FIP1L1: variants seen among roughly 807,000 people sequenced by gnomAD.
FIP1L1 encodes the protein factor interacting with PAPOLA and CPSF1, also known as pre-mRNA 3'-end-processing factor FIP1.
Under a neutral mutation model 84.6 loss-of-function variants are expected in FIP1L1, and 21 were observed. The observed-to-expected ratio is 0.25, with a 90% CI of 0.18 to 0.36. The LOEUF is 0.36. FIP1L1 is among the 10% of genes least tolerant of loss of function. The pLI is 1.00. For synonymous variants in FIP1L1, 263 were observed against 242.3 expected, an observed-to-expected ratio of 1.09 and a Z score of -0.80; for missense variants, 526 against 751.1, an observed-to-expected ratio of 0.70 and a Z score of 3.50.
At chr4:53,388,189 G>GACAAAAGATGGAAGTAATTATTATTAGAC (rs1742143665) in intron 5 of FIP1L1, among the ~76,000 whole-genome samples, 1 of 152,166 alleles carries the variant, frequency 6.6e-6, no homozygotes, top group Non-Finnish European at 1.5e-5. Flanking sequence ...GTACATCAGA[G>GACAAAAGATGGAAGTAATTATTATTAGAC]ACAAAAGATG....
intron 11 of FIP1L1, among the ~76,000 whole-genome samples, chr4:53,424,393 A>G (rs1763548055): frequency 6.6e-6 from 1 of 152,094 alleles, no homozygotes; most frequent in African/African-American, 2.4e-5. Context: ...TTTTTGTAAC[A>G]TGTGAATATT....
At chr4:53,456,640 G>A (rs1719176929) in intron 16 of FIP1L1, among the ~76,000 whole-genome samples, 1 of 152,106 alleles carries the variant, frequency 6.6e-6, no homozygotes, top group Non-Finnish European at 1.5e-5. Context: ...GTTTTTTAGG[G>A]AGCTTAATTA....
chr4:53,453,219 C>A lies in FIP1L1; in HGVS notation c.1499+86C>A. 2.7e-6 allele frequency: 4 copies of A among 1,506,008 alleles called. No homozygotes were observed. In the South Asian group the frequency reaches 3.5e-5, roughly 13 times the overall value. The allele number at this position is 1,506,008 out of a possible 1,614,324, so 93.3% of individuals were successfully genotyped here. ...CGTTATGAGGAAGTGAATTTCAGTT[C>A]ACTTGGAAAAGAGATGCTCAGGGAG... On this transcript the variant is annotated intron_variant, in intron 16 of 17. Transcript: ENST00000337488.
chr4:53,390,751 A>G, intron 7 of FIP1L1, 123 bp downstream of exon 7: 1 of 645,162 alleles, frequency 1.5e-6, no homozygotes, highest in Non-Finnish European at 2.6e-6. Context: ...TAAGCAAATG[A>G]TGAGTAATAA....
In FIP1L1 at chr4:53,436,631, G is replaced by A. The variant is rs543779184; in HGVS notation, c.1175-6022G>A. 2.0e-5 allele frequency among the ~76,000 whole-genome samples: 3 copies of A among 152,276 alleles called. No individual in the cohort carries two copies. The East Asian group carries it at 5.8e-4, about 29-fold the overall frequency. On this transcript the variant is annotated intron_variant, in intron 13 of 17. Transcript: ENST00000337488. ...GCAGACAGGGATCATTGAGAGCCAT[G>A]TCAGAAGCTATTTTGCCTTAGTTAT...
intron 15 of FIP1L1, among the ~76,000 whole-genome samples, chr4:53,448,171 C>T (rs1774999313): frequency 1.3e-5 from 2 of 152,010 alleles, no homozygotes; most frequent in South Asian, 4.1e-4. Flanking sequence ...AGTCATTTGG[C>T]CATCTGAAAT....
chr4:53,442,558 C>T (rs1335830816), intron 13 of FIP1L1, 95 bp from the exon 14 acceptor site: 2 of 803,682 alleles, frequency 2.5e-6, no homozygotes, highest in South Asian at 1.5e-5. Context: ...CATTCATATC[C>T]CCAGAGAAAT....
chr4:53,446,210 G>A (rs1261217057), intron 15 of FIP1L1, among the ~76,000 whole-genome samples: 1 of 143,220 alleles, frequency 7.0e-6, no homozygotes, highest in African/African-American at 2.6e-5. Context: ...TTTTTTTTTT[G>A]CTAGATATTT....
intron 4 of FIP1L1, 72 bp downstream of exon 4, chr4:53,382,407 C>A: frequency 1.6e-6 from 2 of 1,273,844 alleles, no homozygotes; most frequent in Non-Finnish European, 2.3e-6. Context: ...ACATAGAAAG[C>A]AAGCTGGCAT....
At chr4:53,434,941 G>A (rs1768430393) in intron 13 of FIP1L1, among the ~76,000 whole-genome samples, 1 of 152,050 alleles carries the variant, frequency 6.6e-6, no homozygotes, top group Admixed American at 6.6e-5. Flanking sequence ...CCCTTTAATT[G>A]AGAAACTAGT....
intron 9 of FIP1L1, among the ~76,000 whole-genome samples, chr4:53,392,397 T>G (rs1209263787): frequency 3.3e-5 from 5 of 152,252 alleles, no homozygotes; most frequent in Non-Finnish European, 5.9e-5. Flanking sequence ...ATACAACCAC[T>G]CTACTGTACA....
rs747897235 is a variant in FIP1L1, at chr4:53,377,825, C to T, written c.-14C>T. 4 of 1,553,228 alleles carry T rather than the reference C, an allele frequency of 2.6e-6. No homozygotes were observed. The highest frequency in any genetic ancestry group is 1.4e-5 in the African/African-American group (1 of 73,276). ...GCTGTTGATCGCCGCGTTTAAGTTG[C>T]GCTCGGGGCGGCCATGTCGGCCGGC... On this transcript the variant is annotated 5_prime_UTR_variant, in exon 1 of 18. Transcript: ENST00000337488.
intron 15 of FIP1L1, among the ~76,000 whole-genome samples, chr4:53,450,962 T>C (rs955885777): frequency 2.0e-5 from 3 of 150,546 alleles, no homozygotes; most frequent in African/African-American, 7.4e-5. Context: ...ATAAAGCTAC[T>C]CTTTTTTTTT....
At chr4:53,422,620 T>C (rs1400720106) in intron 11 of FIP1L1, among the ~76,000 whole-genome samples, 1 of 152,010 alleles carries the variant, frequency 6.6e-6, no homozygotes. Context: ...AAATGCTTTG[T>C]TTTAATCTTA....
chr4:53,450,045 A>G (rs1403636239), intron 15 of FIP1L1, among the ~76,000 whole-genome samples: 1 of 151,908 alleles, frequency 6.6e-6, no homozygotes, highest in Admixed American at 6.6e-5. Context: ...GTTTTTTTCC[A>G]TTATATGGTA....
In FIP1L1 at chr4:53,399,775, C is replaced by G. The variant is rs1578316364; in HGVS notation, c.751C>G (p.Pro251Ala). The G allele has an allele frequency of 2.5e-6, 4 of 1,613,704 alleles. No individual in the cohort carries two copies. Among genetic ancestry groups the G allele is most frequent in the Non-Finnish European group, 3.4e-6 (4 of 1,179,800 alleles). Residue 251 changes from proline (P) to alanine (A), a missense_variant, in exon 10 of 18, where the codon CCA (proline) becomes GCA (alanine). Transcript: ENST00000337488. Reference protein sequence around the residue: ...TGNSEKETALPSTKAEFTSPP... With the variant: ...TGNSEKETALASTKAEFTSPP... ...AAACTCAGAGAAAGAAACTGCCCTT[C>G]CATCTACAAAAGCTGAGTTTACTTC...
In FIP1L1 at chr4:53,452,924, C is replaced by T; in HGVS notation, c.1290C>T (p.Ala430=). 6.2e-7 allele frequency: 1 copy of T among 1,611,792 alleles called. No individual in the cohort carries two copies. The highest frequency in any genetic ancestry group is 1.7e-5 in the Admixed American group (1 of 59,972). The change falls in exon 16 of 18, where the codon GCC becomes GCT. Residue 430 remains alanine, a synonymous_variant. Coordinates refer to ENST00000337488, the MANE Select transcript of FIP1L1 (RefSeq NM_030917.4). ...TTAATCGTGTTTTTTCTTTAGTTGC[C>T]TTTCCCCATCTTCCTGGTTCTGCTC... ...SARAFPYGNV[A]FPHLPGSAPS... is the part of the protein sequence containing the mutation.
Position 53,422,814 on chromosome 4 carries a change from A to G in FIP1L1, c.924-3058A>G, listed in dbSNP as rs1762919301. The stretch of plus-strand genomic sequence containing the variant: ...ACTGCATCCTTCATCTCCTGGACTC[A>G]AGCAATCCTCTCACCTAAGCCCTCT... On this transcript the variant is annotated intron_variant, in intron 11 of 17. Transcript: ENST00000337488. Among the ~76,000 whole-genome samples the G allele has an allele frequency of 2.6e-5, 4 of 152,028 alleles. No homozygotes were observed. In the South Asian group the frequency reaches 8.3e-4, roughly 32 times the overall value.
chr4:53,384,024 T>G, intron 5 of FIP1L1, 148 bp downstream of exon 5: 4 of 717,584 alleles, frequency 5.6e-6, no homozygotes, highest in Non-Finnish European at 8.8e-6. Context: ...ATCATGAATA[T>G]ACTTCTTTGC....
Sources: gnomAD v4.1 joint callset for allele counts (sites outside exome capture counted in the v4.1 genomes callset) on GRCh38, gnomAD v4.1.1 for gene constraint, MANE v1.5 for transcripts, NCBI Gene and HGNC (gene_info 2026-07-23, HGNC 2026-07-21) for gene names.